The following TEX30 variants were observed in gnomAD, a reference collection of about 807,000 sequenced individuals.
TEX30 encodes testis-expressed protein 30.
TEX30 carries 14 observed loss-of-function variants against 23.8 expected under a neutral mutation model. That is an observed-to-expected ratio of 0.59 (90% confidence interval 0.39 to 0.92). The LOEUF (loss-of-function observed/expected upper bound fraction) is 0.92. Among genes scored for constraint, TEX30 ranks in the 40% least tolerant of loss-of-function variants. TEX30 has a pLI of 0.00. For synonymous variants in TEX30, 78 were observed against 90.2 expected (o/e 0.87, Z 0.76); for missense variants, 246 against 270.6 (o/e 0.91, Z 0.64).
Position 102,767,242 on chromosome 13 carries a change from TCATTGACACAAA to T in TEX30, c.504+19_504+30del. The stretch of plus-strand genomic sequence containing the variant: ...AGATATGTCTGCCTTTCATTCTCTT[TCATTGACACAAA>T]CATTGAGTTATAATTCACCTTTTCA... On this transcript the variant is annotated intron_variant, in intron 5 of 5. Coordinates refer to ENST00000376032, the MANE Select transcript of TEX30 (RefSeq NM_138779.5). 1.3e-6 allele frequency: 2 copies of T among 1,596,032 alleles called. No individual in the cohort carries two copies. Among genetic ancestry groups the T allele is most frequent in the Non-Finnish European group, 1.7e-6 (2 of 1,168,212 alleles).
At chr13:102,773,312 G>A (rs960101352) in intron 1 of TEX30, among the ~76,000 whole-genome samples, 1 of 152,132 alleles carries the variant, frequency 6.6e-6, no homozygotes, top group African/African-American at 2.4e-5. Flanking sequence ...CACGGGATCC[G>A]TTCTCTCCGC....
chr13:102,769,822 C>A, intron 2 of TEX30, 190 bp downstream of exon 2: 1 of 532,386 alleles, frequency 1.9e-6, no homozygotes, highest in East Asian at 3.2e-5. Context: ...AAGTAACTTG[C>A]CCAAGGTTAT....
intron 1 of TEX30, 189 bp from the exon 2 acceptor site, chr13:102,770,275 T>G (rs1877229729): frequency 8.9e-6 from 3 of 335,274 alleles, no homozygotes; most frequent in Non-Finnish European, 1.6e-5. Context: ...GGTTGGTAGA[T>G]GTTATAGAAG....
rs1877507437 is a variant in TEX30, at chr13:102,773,781, G to C, written c.-160C>G. 1 of 152,210 alleles carries C rather than the reference G, an allele frequency of 6.6e-6. No homozygotes were observed. The allele number at this position is 152,210 out of a possible 1,614,324, so 9.4% of individuals were successfully genotyped here. A position where few individuals can be genotyped will look rare whatever the true frequency, so the allele number is the denominator to read the frequency against. On this transcript the variant is annotated 5_prime_UTR_variant, in exon 1 of 6. Transcript: ENST00000376032. ...CGACCGCCTCGCCTGCCCCGCCACA[G>C]CGTTCGGCTACGACGCACGCGCGCG...
chr13:102,767,235 T>C, intron 5 of TEX30, 38 bp downstream of exon 5: 2 of 1,588,526 alleles, frequency 1.3e-6, no homozygotes, highest in Non-Finnish European at 1.7e-6. Context: ...CTGCCTTTCA[T>C]TCTCTTTCAT....
rs762949005 is a variant in TEX30, at chr13:102,769,536, T to C, written c.21A>G (p.Lys7=). ...ATTTATTTCCAAAAGGTATTTTTAATTTAACCTGGAATTCAAGAGAATAAA... is the reference window on the plus strand; with the variant it reads ...ATTTATTTCCAAAAGGTATTTTTAACTTAACCTGGAATTCAAGAGAATAAA... MSHTEV[K]LKIPFGNKLL... Residue 7 remains lysine, a synonymous_variant, in exon 3 of 6, where the codon AAA becomes AAG. Transcript: ENST00000376032. 66 of 1,572,744 alleles carry C rather than the reference T, an allele frequency of 4.2e-5. No homozygotes were observed. Among genetic ancestry groups the C allele is most frequent in the Non-Finnish European group, 5.2e-5 (60 of 1,156,460 alleles).
Position 102,769,073 on chromosome 13 carries a change from T to C in TEX30, c.246+238A>G, listed in dbSNP as rs146726513. On this transcript the variant is annotated intron_variant, in intron 3 of 5. Transcript: ENST00000376032. ...TAATTCCAGGGAGAAAAATCATAAGTAGCTTCCTTGGCAATATCACGGAGG... is the reference window on the plus strand; with the variant it reads ...TAATTCCAGGGAGAAAAATCATAAGCAGCTTCCTTGGCAATATCACGGAGG... Among the ~76,000 whole-genome samples the C allele has an allele frequency of 6.9e-3, 1,049 of 152,308 alleles. 3 individuals are homozygous for C. Among genetic ancestry groups the C allele is most frequent in the Non-Finnish European group, 0.011 (733 of 68,026 alleles).
chr13:102,773,474 C>T (rs1269923733), intron 1 of TEX30: 3 of 152,386 alleles, frequency 2.0e-5, no homozygotes, highest in Admixed American at 6.5e-5. Context: ...ACATTCCGCC[C>T]TCCTACCCGG....
At chr13:102,772,487 T>C (rs757903194) in intron 1 of TEX30, among the ~76,000 whole-genome samples, 20 of 152,130 alleles carry the variant, frequency 1.3e-4, no homozygotes, top group Non-Finnish European at 2.1e-4. Flanking sequence ...GCACAGTGTG[T>C]TCTTCACGGC....
chr13:102,771,240 T>C (rs779864702), intron 1 of TEX30, among the ~76,000 whole-genome samples: 10 of 152,344 alleles, frequency 6.6e-5, no homozygotes, highest in Non-Finnish European at 1.3e-4. Context: ...AATTTTTTCA[T>C]AGAACTTCCC....
chr13:102,769,951 A>G (rs1877201443), intron 2 of TEX30, 61 bp downstream of exon 2: 2 of 1,344,426 alleles, frequency 1.5e-6, no homozygotes, highest in Non-Finnish European at 1.9e-6. Flanking sequence ...CTGAAGCCAC[A>G]TAATTACAAA....
At chr13:102,767,065 A>G (rs1876938817) in intron 5 of TEX30, among the ~76,000 whole-genome samples, 1 of 152,210 alleles carries the variant, frequency 6.6e-6, no homozygotes, top group South Asian at 2.1e-4. Flanking sequence ...TAAGGGTCAT[A>G]TTTACCAACT....
At chr13:102,773,301 G>A (rs1877460853) in intron 1 of TEX30, among the ~76,000 whole-genome samples, 1 of 152,144 alleles carries the variant, frequency 6.6e-6, no homozygotes, top group African/African-American at 2.4e-5. Context: ...GGCGCTCGGG[G>A]CACGGGATCC....
intron 3 of TEX30, among the ~76,000 whole-genome samples, chr13:102,768,629 C>A (rs1877080456): frequency 6.6e-6 from 1 of 152,082 alleles, no homozygotes; most frequent in Non-Finnish European, 1.5e-5. Flanking sequence ...CCAACTAATA[C>A]CAAATTTGAT....
intron 2 of TEX30, chr13:102,769,744 C>T (rs189832805): frequency 7.0e-4 from 372 of 533,050 alleles, no homozygotes; most frequent in Admixed American, 4.9e-3. Flanking sequence ...ACTTATTTCA[C>T]TTTTCTAACA....
At position 102,767,291 on chromosome 13, in the gene TEX30, T is replaced by G; in HGVS notation, c.486A>C (p.Ala162=). The G allele has an allele frequency of 6.2e-7, 1 of 1,613,744 alleles. No homozygotes were observed. Among genetic ancestry groups the G allele is most frequent in the Non-Finnish European group, 8.5e-7 (1 of 1,179,912 alleles). Residue 162 remains alanine, a synonymous_variant, in exon 5 of 6, where the codon GCA becomes GCC. Transcript: ENST00000376032. ...AATTCACCTTTTCACACATTTCATC[T>G]GCTGAGCCTGACACAAACAGTACAG... is the stretch of plus-strand genomic sequence containing the variant. ...KEPVLFVSGS[A]DEMCEKNLLE...
In TEX30 at chr13:102,766,304, A is replaced by G; in HGVS notation, c.*97T>C. On this transcript the variant is annotated 3_prime_UTR_variant, in exon 6 of 6. Coordinates refer to ENST00000376032, the MANE Select transcript of TEX30 (RefSeq NM_138779.5). Reference sequence around the variant, plus strand: ...TTCAAAAATAAGGGAACATTAAAGAACATCAAATTAGTCTGAAATATATCT... The same window carrying G: ...TTCAAAAATAAGGGAACATTAAAGAGCATCAAATTAGTCTGAAATATATCT... 1 of 1,035,078 alleles carries G rather than the reference A, an allele frequency of 9.7e-7. No homozygotes were observed. The highest frequency in any genetic ancestry group is 1.4e-6 in the Non-Finnish European group (1 of 732,074). 64.1% of individuals were successfully genotyped at this position (1,035,078 alleles called of 1,614,324 possible).
Position 102,773,709 on chromosome 13 carries a change from C to A in TEX30, c.-88G>T, listed in dbSNP as rs890738346. On this transcript the variant is annotated 5_prime_UTR_variant, in exon 1 of 6. Transcript: ENST00000376032. ...GGGAAGGCAAAAGTGGCCGCGGGCA[C>A]CCAACCGCCGTCACTCCCTTCAGGG... 1 of 152,198 alleles carries A rather than the reference C, an allele frequency of 6.6e-6. No individual in the cohort carries two copies. The highest frequency in any genetic ancestry group is 2.4e-5 in the African/African-American group (1 of 41,460). 9.4% of individuals were successfully genotyped at this position (152,198 alleles called of 1,614,324 possible). A position where few individuals can be genotyped will look rare whatever the true frequency, so the allele number is the denominator to read the frequency against.
At position 102,767,294 on chromosome 13, in the gene TEX30, T is replaced by C. The variant is rs1430573386; in HGVS notation, c.483A>G (p.Ser161=). The C allele has an allele frequency of 3.1e-6, 5 of 1,613,864 alleles. No homozygotes were observed. The highest frequency in any genetic ancestry group is 4.2e-6 in the Non-Finnish European group (5 of 1,179,968). Residue 161 remains serine (S), a synonymous_variant, in exon 5 of 6, where the codon TCA becomes TCG. Coordinates refer to ENST00000376032, the MANE Select transcript of TEX30 (RefSeq NM_138779.5). ...TCACCTTTTCACACATTTCATCTGC[T>C]GAGCCTGACACAAACAGTACAGGCT... ...LKEPVLFVSG[S]ADEMCEKNLL... is the part of the protein sequence containing the mutation.
Sources: allele counts gnomAD v4.1 joint callset (sites outside exome capture counted in the v4.1 genomes callset), GRCh38; gene constraint gnomAD v4.1.1; transcripts MANE v1.5; gene names NCBI Gene and HGNC (gene_info 2026-07-23, HGNC 2026-07-21).